Variants in ACTR8 observed in about 807,000 individuals in gnomAD.
The protein encoded by ACTR8 is actin-related protein 8.
A neutral mutation model predicts 84.3 loss-of-function variants in ACTR8; 70 were observed. The observed-to-expected ratio is 0.83, with a 90% CI of 0.68 to 1.01. ACTR8 has a LOEUF of 1.01. Ranked by LOEUF, ACTR8 falls within the 50% of genes least tolerant of loss-of-function variation. The probability of loss-of-function intolerance (pLI) is 0.00; values close to 1 mark genes in which losing one functional copy is unlikely to be tolerated. For synonymous variants in ACTR8, 268 were observed against 275.2 expected (o/e 0.97, Z 0.26); for missense variants, 672 against 775.4 (o/e 0.87, Z 1.58).
intron 5 of ACTR8, 51 bp from the exon 6 acceptor site, chr3:53,876,764 C>T (rs773373025): frequency 3.2e-6 from 3 of 923,730 alleles, no homozygotes; most frequent in South Asian, 1.5e-5. Context: ...CTAGTCAGGT[C>T]AAATTCACAC....
In ACTR8 at chr3:53,867,287, T is replaced by C. The variant is rs1699806477; in HGVS notation, c.*1432A>G. On this transcript the variant is annotated 3_prime_UTR_variant, in exon 13 of 13. Coordinates refer to ENST00000335754, the MANE Select transcript of ACTR8 (RefSeq NM_022899.5). ...AACAGGCAGCTGATCCAAAATTGTG[T>C]TGAAACACCTCAGAAACATAAATGA... 6.6e-6 allele frequency: 1 copy of C among 152,238 alleles called. No individual in the cohort carries two copies. Among genetic ancestry groups the C allele is most frequent in the Admixed American group, 6.5e-5 (1 of 15,280 alleles). 9.4% of individuals were successfully genotyped at this position (152,238 alleles called of 1,614,324 possible). A position where few individuals can be genotyped will look rare whatever the true frequency, so the allele number is the denominator to read the frequency against.
At chr3:53,871,645 T>G in intron 10 of ACTR8, 149 bp from the exon 11 acceptor site, 1 of 921,094 alleles carries the variant, frequency 1.1e-6, no homozygotes, top group Non-Finnish European at 1.6e-6. Context: ...CCCAGGTAAC[T>G]TAGGAATGAG....
At chr3:53,872,954 G>T in intron 9 of ACTR8, 78 bp downstream of exon 9, 1 of 1,148,464 alleles carries the variant, frequency 8.7e-7, no homozygotes, top group Admixed American at 2.1e-5. Context: ...AATGTTTCCA[G>T]CAAGGGCATA....
At chr3:53,869,059 A>C (rs1490417289) in intron 12 of ACTR8, among the ~76,000 whole-genome samples, 197 bp from the exon 13 acceptor site, 2 of 152,234 alleles carry the variant, frequency 1.3e-5, no homozygotes, top group African/African-American at 4.8e-5. Flanking sequence ...AGGCGGGCAG[A>C]TCACGAGATC....
intron 5 of ACTR8, among the ~76,000 whole-genome samples, chr3:53,876,920 C>T (rs1037299167): frequency 4.7e-5 from 7 of 149,016 alleles, no homozygotes; most frequent in African/African-American, 1.7e-4. Flanking sequence ...TTTTTAAAAA[C>T]TTGTAAAATC....
intron 1 of ACTR8, among the ~76,000 whole-genome samples, 183 bp from the exon 2 acceptor site, chr3:53,880,292 T>C (rs551625622): frequency 1.3e-5 from 2 of 152,398 alleles, no homozygotes; most frequent in African/African-American, 4.8e-5. Flanking sequence ...TTGTTTATTA[T>C]GTTCCCTTGA....
chr3:53,881,951 A>T, intron 1 of ACTR8, 28 bp downstream of exon 1: 1 of 1,554,678 alleles, frequency 6.4e-7, no homozygotes, highest in Non-Finnish European at 8.7e-7. Context: ...AGCAAGGGCA[A>T]AGAGTTCCAA....
In ACTR8 at chr3:53,871,243, A is replaced by G; in HGVS notation, c.1556T>C (p.Ile519Thr). The change falls in exon 11 of 13, where the codon ATA (isoleucine) becomes ACA (threonine). Residue 519 changes from isoleucine (I) to threonine (T), a missense_variant. Coordinates refer to ENST00000335754, the MANE Select transcript of ACTR8 (RefSeq NM_022899.5). Reference protein sequence around the residue: ...LGLDKAILHSIDCCSSDDTKK... With the variant: ...LGLDKAILHSTDCCSSDDTKK... Reference sequence around the variant, plus strand: ...CCAGATGTGCTTACAACAGCAGTCTATGCTATGGAGGATGGCTTTATCCAG... The same window carrying G: ...CCAGATGTGCTTACAACAGCAGTCTGTGCTATGGAGGATGGCTTTATCCAG... The G allele has an allele frequency of 1.2e-6, 2 of 1,614,056 alleles. No individual in the cohort carries two copies.
At chr3:53,872,605 A>C (rs1699901376) in intron 9 of ACTR8, 81 bp from the exon 10 acceptor site, 2 of 1,444,576 alleles carry the variant, frequency 1.4e-6, no homozygotes, top group Non-Finnish European at 1.8e-6. Flanking sequence ...GTTCTTCTAA[A>C]AACAAAACTG....
intron 1 of ACTR8, 126 bp downstream of exon 1, chr3:53,881,853 G>C (rs1344616439): frequency 7.1e-7 from 1 of 1,398,780 alleles, no homozygotes; most frequent in Admixed American, 2.3e-5. Context: ...GACCGCTTCC[G>C]CACTCCCCCC....
chr3:53,875,954 T>C lies in ACTR8; in HGVS notation c.905A>G (p.Asn302Ser), dbSNP rs1214562487. Residue 302 changes from asparagine to serine, a missense_variant, in exon 7 of 13, where the codon AAT (asparagine) becomes AGT (serine). Coordinates refer to ENST00000335754, the MANE Select transcript of ACTR8 (RefSeq NM_022899.5). ...CCVEDGVSHR[N>S]TRLCLAYGGS... ...CACCTTCCAAGTTCCTTACCGAGTA[T>C]TCCGATGAGACACCCCATCCTCCAC... is the stretch of plus-strand genomic sequence containing the variant. The C allele has an allele frequency of 6.8e-6, 11 of 1,614,092 alleles. No homozygotes were observed. Among genetic ancestry groups the C allele is most frequent in the African/African-American group, 1.3e-5 (1 of 74,930 alleles).
chr3:53,875,604 G>T (rs944407616), intron 7 of ACTR8, among the ~76,000 whole-genome samples: 1 of 152,222 alleles, frequency 6.6e-6, no homozygotes, highest in Non-Finnish European at 1.5e-5. Context: ...CCTAAATAAA[G>T]CTCTGCTATA....
chr3:53,881,766 G>C (rs1050111050), intron 1 of ACTR8: 6 of 712,834 alleles, frequency 8.4e-6, no homozygotes, highest in Middle Eastern at 4.0e-4. Flanking sequence ...GTGTCCCTGC[G>C]GGGGCTCCGC....
At chr3:53,880,972 C>A (rs181776364) in intron 1 of ACTR8, among the ~76,000 whole-genome samples, 102 of 152,306 alleles carry the variant, frequency 6.7e-4, no homozygotes, top group African/African-American at 2.4e-3. Flanking sequence ...GTCCTATCTC[C>A]AAGTGTGACC....
chr3:53,878,041 A>C (rs1700002694), intron 3 of ACTR8, among the ~76,000 whole-genome samples: 1 of 152,216 alleles, frequency 6.6e-6, no homozygotes, highest in South Asian at 2.1e-4. Flanking sequence ...ACTCCTGTCC[A>C]TTCCTATCAT....
chr3:53,878,470 G>A lies in ACTR8; in HGVS notation c.295-3C>T, dbSNP rs1375716206. 1 of 1,588,668 alleles carries A rather than the reference G, an allele frequency of 6.3e-7. No homozygotes were observed. The highest frequency in any genetic ancestry group is 1.1e-5 in the South Asian group (1 of 89,172). On this transcript the variant is annotated splice_region_variant and splice_polypyrimidine_tract_variant and intron_variant, in intron 2 of 12. Transcript: ENST00000335754. ...CTTTGTTCATTACTTTCTGGTTTCT[G>A]GGGAAAAAATGAAAGATGAGCAGTA...
chr3:53,864,581 T>C (rs578097037), downstream of ACTR8, among the ~76,000 whole-genome samples: 3 of 152,242 alleles, frequency 2.0e-5, no homozygotes, highest in South Asian at 6.2e-4. Flanking sequence ...TTTCAGGTGA[T>C]GTGTTCAAAA....
chr3:53,864,174 G>T (rs909144308), downstream of ACTR8, among the ~76,000 whole-genome samples: 1 of 152,160 alleles, frequency 6.6e-6, no homozygotes, highest in Non-Finnish European at 1.5e-5. Flanking sequence ...AAAAGAGAAG[G>T]CTTGGTTGAG....
At chr3:53,864,761 C>T, downstream of ACTR8, 1 of 1,608,002 alleles carries the variant, frequency 6.2e-7, no homozygotes, top group Non-Finnish European at 8.5e-7. Flanking sequence ...ATCAAGAAGA[C>T]TTCCTTTTCT....
Sources: gnomAD v4.1 joint callset for allele counts (sites outside exome capture counted in the v4.1 genomes callset) on GRCh38, gnomAD v4.1.1 for gene constraint, MANE v1.5 for transcripts, NCBI Gene and HGNC (gene_info 2026-07-23, HGNC 2026-07-21) for gene names.